The following NLGN1 variants were observed in gnomAD, a reference collection of about 807,000 sequenced individuals.
NLGN1 encodes the protein neuroligin 1.
A neutral mutation model predicts 65.5 loss-of-function variants in NLGN1; 12 were observed. That is an observed-to-expected ratio of 0.18 (90% CI 0.12 to 0.30). The LOEUF (loss-of-function observed/expected upper bound fraction) is 0.30, where lower values mean the gene tolerates loss of function less well. NLGN1 is among the 10% of genes least tolerant of loss of function. The pLI is 1.00. For synonymous variants in NLGN1, 350 were observed against 359.5 expected (o/e 0.97, Z 0.30); for missense variants, 750 against 1,007.1 (o/e 0.74, Z 3.46).
chr3:173,952,794 GA>G (rs1244944003), intron 4 of NLGN1, among the ~76,000 whole-genome samples: 1 of 52,078 alleles, frequency 1.9e-5, no homozygotes, highest in African/African-American at 7.6e-5. Context: ...TTTTTTTTTT[GA>G]GACAGAGTTT....
the NLGN1 span, among the ~76,000 whole-genome samples, chr3:174,293,279 T>C: frequency 2.6e-5 from 4 of 151,472 alleles, no homozygotes; most frequent in Non-Finnish European, 5.9e-5. Flanking sequence ...TACCTGAGCC[T>C]TTTCCTTATG....
chr3:173,561,683 CAAAT>C (rs1742761251), intron 2 of NLGN1, among the ~76,000 whole-genome samples: 1 of 152,064 alleles, frequency 6.6e-6, no homozygotes, highest in South Asian at 2.1e-4. Flanking sequence ...GGCATTGCTC[CAAAT>C]AAATATTTAT....
chr3:174,188,277 G>A (rs1731785350), intron 4 of NLGN1, among the ~76,000 whole-genome samples: 1 of 151,898 alleles, frequency 6.6e-6, no homozygotes, highest in South Asian at 2.1e-4. Context: ...TATGAAATGT[G>A]ATATGTTTGA....
At chr3:173,729,868 C>G (rs1488559) in intron 3 of NLGN1, among the ~76,000 whole-genome samples, 1 of 151,814 alleles carries the variant, frequency 6.6e-6, no homozygotes, top group Non-Finnish European at 1.5e-5. Flanking sequence ...TTTCCATATT[C>G]TGTCAAATGC....
intron 4 of NLGN1, among the ~76,000 whole-genome samples, chr3:174,079,107 C>A (rs903000277): frequency 6.6e-6 from 1 of 151,578 alleles, no homozygotes; most frequent in African/African-American, 2.4e-5. Context: ...AGACAACCTG[C>A]AGAATGGGAA....
intron 3 of NLGN1, 42 bp downstream of exon 2, chr3:173,605,133 T>G: frequency 6.8e-7 from 1 of 1,477,616 alleles, no homozygotes; most frequent in Non-Finnish European, 9.1e-7. Flanking sequence ...TATTTATATA[T>G]TTTTTCTATT....
chr3:173,551,259 G>GAA (rs1162080555), intron 2 of NLGN1, among the ~76,000 whole-genome samples: 2 of 122,448 alleles, frequency 1.6e-5, no homozygotes, highest in African/African-American at 6.4e-5. Flanking sequence ...CAAAAATAGA[G>GAA]TTGAAATTAA....
chr3:174,281,532 C>T (rs1015901949), exon 7 of NLGN1: 1 of 413,330 alleles, frequency 2.4e-6, no homozygotes, highest in Non-Finnish European at 4.3e-6. Context: ...GATACTTTTT[C>T]ATTCACATTC....
At chr3:173,502,833 A>T (rs1187254007) in intron 2 of NLGN1, among the ~76,000 whole-genome samples, 1 of 152,116 alleles carries the variant, frequency 6.6e-6, no homozygotes, top group African/African-American at 2.4e-5. Flanking sequence ...ATGTTAAAAT[A>T]TTCAGAGGAA....
chr3:174,140,007 T>C (rs1462218208), intron 4 of NLGN1, among the ~76,000 whole-genome samples: 1 of 152,212 alleles, frequency 6.6e-6, no homozygotes, highest in East Asian at 1.9e-4. Context: ...ATTTATCAGA[T>C]GTGTCATTTG....
At chr3:173,605,497 C>T (rs1350638763) in intron 3 of NLGN1, 37 bp from the exon 3 acceptor site, 17 of 1,140,978 alleles carry the variant, frequency 1.5e-5, no homozygotes, top group Admixed American at 6.9e-5. Flanking sequence ...TATGATGGAG[C>T]GCCATGTTAT....
chr3:174,058,495 C>T (rs920216598), intron 4 of NLGN1, among the ~76,000 whole-genome samples: 3 of 152,024 alleles, frequency 2.0e-5, no homozygotes, highest in Non-Finnish European at 2.9e-5. Context: ...TTGCTTCTTT[C>T]TTACCCTTTC....
At chr3:174,134,273 T>C (rs867941924) in intron 4 of NLGN1, among the ~76,000 whole-genome samples, 8 of 152,020 alleles carry the variant, frequency 5.3e-5, no homozygotes, top group Non-Finnish European at 1.0e-4. Context: ...TGCCGGGGAA[T>C]TGGTGAGGTT....
intron 3 of NLGN1, among the ~76,000 whole-genome samples, chr3:173,611,082 T>G (rs1420163168): frequency 6.6e-6 from 1 of 152,016 alleles, no homozygotes; most frequent in African/African-American, 2.4e-5. Context: ...TATGTTGCTA[T>G]GCACAGTACA....
Position 174,280,400 on chromosome 3 carries a change from A to C in NLGN1, c.1650-81A>C, listed in dbSNP as rs1751339336. Reference sequence around the variant, plus strand: ...TAAAGCATTGCTGAGTCATCTATTTAATTATTAGATGTTAAAGTAGTGTGA... The same window carrying C: ...TAAAGCATTGCTGAGTCATCTATTTCATTATTAGATGTTAAAGTAGTGTGA... On this transcript the variant is annotated intron_variant, in intron 6 of 6. Coordinates refer to ENST00000457714, the Ensembl canonical transcript of NLGN1. This position sits in a 1 kb window ranked among gnomAD's most constrained non-coding sequence, Gnocchi z 4.9. The C allele has an allele frequency of 1.1e-6, 1 of 934,922 alleles. No homozygotes were observed. The highest frequency in any genetic ancestry group is 1.6e-6 in the Non-Finnish European group (1 of 623,592). 57.9% of individuals were successfully genotyped at this position (934,922 alleles called of 1,614,324 possible).
chr3:173,893,309 G>A (rs1735698030), intron 4 of NLGN1, among the ~76,000 whole-genome samples: 1 of 152,132 alleles, frequency 6.6e-6, no homozygotes, highest in Non-Finnish European at 1.5e-5. Flanking sequence ...TGTATTCTGA[G>A]TTCAGTCACC....
chr3:173,931,270 A>T (rs1449796188), intron 4 of NLGN1, among the ~76,000 whole-genome samples: 1 of 152,304 alleles, frequency 6.6e-6, no homozygotes, highest in East Asian at 1.9e-4. Context: ...GGGGAAGTCA[A>T]TAAGAAGCTA....
At chr3:173,712,360 AC>A (rs1769124160) in intron 3 of NLGN1, among the ~76,000 whole-genome samples, 1 of 152,152 alleles carries the variant, frequency 6.6e-6, no homozygotes, top group African/African-American at 2.4e-5. Context: ...TTAACTTCCA[AC>A]CCTAAGGTAG....
chr3:174,212,796 T>C (rs1207279628), intron 4 of NLGN1, among the ~76,000 whole-genome samples: 2 of 152,234 alleles, frequency 1.3e-5, no homozygotes, highest in Non-Finnish European at 2.9e-5. Flanking sequence ...AACAGAGATG[T>C]GTTCCTTCCT....
Sources: gnomAD v4.1 joint callset for allele counts (sites outside exome capture counted in the v4.1 genomes callset) on GRCh38, gnomAD v4.1.1 for gene constraint, Gnocchi (gnomAD v3.1) non-coding constraint, MANE v1.5 for transcripts, NCBI Gene and HGNC (gene_info 2026-07-23, HGNC 2026-07-21) for gene names.